The following PREX1 variants were observed in gnomAD, a reference collection of about 807,000 sequenced individuals.
The protein encoded by PREX1 is phosphatidylinositol 3,4,5-trisphosphate-dependent Rac exchanger 1 protein.
A neutral mutation model predicts 198.3 loss-of-function variants in PREX1; 41 were observed. The ratio of observed to expected loss-of-function variants is 0.21; its 90% CI spans 0.16 to 0.27. PREX1 has a LOEUF of 0.27. Among genes scored for constraint, PREX1 ranks in the 10% least tolerant of loss-of-function variants. The pLI is 1.00. For synonymous variants in PREX1, 843 were observed against 887.2 expected (o/e 0.95, Z 0.89); for missense variants, 1,620 against 2,200.7 (o/e 0.74, Z 5.28).
chr20:48,628,010 G>A (rs755846906), intron 37 of PREX1, 47 bp from the exon 38 acceptor site: 1 of 1,120,840 alleles, frequency 8.9e-7, no homozygotes, highest in Non-Finnish European at 1.3e-6. Flanking sequence ...GGGGGACAGG[G>A]GTCGGGGGAG....
the PREX1 span, among the ~76,000 whole-genome samples, chr20:48,866,273 G>A: frequency 6.6e-6 from 1 of 152,132 alleles, no homozygotes; most frequent in East Asian, 1.9e-4. Flanking sequence ...AGGGTAGCAG[G>A]TCCAAATCAA....
chr20:48,630,798 C>T lies in PREX1; in HGVS notation c.4527-4G>A, dbSNP rs757433227. On this transcript the variant is annotated splice_region_variant and splice_polypyrimidine_tract_variant and intron_variant, in intron 35 of 39. Transcript: ENST00000371941. Reference sequence around the variant, plus strand: ...AGACCGCTCCAGGTAAAATGCCCTGCGAGAGAAAGATGGGAATGAGGCGGG... The same window carrying T: ...AGACCGCTCCAGGTAAAATGCCCTGTGAGAGAAAGATGGGAATGAGGCGGG... 1.3e-5 allele frequency: 21 copies of T among 1,569,834 alleles called. No homozygotes were observed. Among genetic ancestry groups the T allele is most frequent in the African/African-American group, 2.7e-5 (2 of 73,858 alleles).
chr20:48,649,593 G>C lies in PREX1; in HGVS notation c.3029-17C>G, dbSNP rs1360620668. On this transcript the variant is annotated splice_polypyrimidine_tract_variant and intron_variant, in intron 24 of 39. Transcript: ENST00000371941. Reference sequence around the variant, plus strand: ...TCAGGTGGCCTGCAGTGGAGGAAGAGAGAGCTCACTGGAAAACAGCCCCCA... The same window carrying C: ...TCAGGTGGCCTGCAGTGGAGGAAGACAGAGCTCACTGGAAAACAGCCCCCA... 1.3e-6 allele frequency: 2 copies of C among 1,563,186 alleles called. No individual in the cohort carries two copies. The highest frequency in any genetic ancestry group is 4.8e-5 in the East Asian group (2 of 42,098).
chr20:48,705,924 G>T (rs1304279891), intron 6 of PREX1, among the ~76,000 whole-genome samples: 1 of 152,198 alleles, frequency 6.6e-6, no homozygotes, highest in Non-Finnish European at 1.5e-5. Context: ...ACTCGAGACA[G>T]GGCAGTCTAT....
chr20:48,748,285 A>C (rs1568849365), intron 1 of PREX1, among the ~76,000 whole-genome samples: 1 of 152,044 alleles, frequency 6.6e-6, no homozygotes, highest in Non-Finnish European at 1.5e-5. Flanking sequence ...TTAACCTCTG[A>C]GTAATAACAC....
At chr20:48,646,870 ACT>A (rs1396190861) in intron 25 of PREX1, among the ~76,000 whole-genome samples, 1 of 152,064 alleles carries the variant, frequency 6.6e-6, no homozygotes, top group African/African-American at 2.4e-5. Flanking sequence ...ACTCTCGGAG[ACT>A]CTGTTTCCTC....
At chr20:48,810,495 G>A (rs921877701) in intron 1 of PREX1, among the ~76,000 whole-genome samples, 3 of 150,712 alleles carry the variant, frequency 2.0e-5, no homozygotes, top group African/African-American at 7.3e-5. Flanking sequence ...GAGGTGGGAA[G>A]GTCACCCCAG....
chr20:48,684,921 C>T lies in PREX1; in HGVS notation c.1335-3586G>A, dbSNP rs1285015128. On this transcript the variant is annotated intron_variant, in intron 10 of 39. Transcript: ENST00000371941. This position sits in a 1 kb window ranked among gnomAD's most constrained non-coding sequence, Gnocchi z 4.2. The stretch of plus-strand genomic sequence containing the variant: ...AAGCCAGGAATGCTGTTCCCCACAC[C>T]CTCTCATGGCTGGCTCTTGCTTGTC... Among the ~76,000 whole-genome samples the T allele has an allele frequency of 6.6e-6, 1 of 152,244 alleles. No individual in the cohort carries two copies. Among genetic ancestry groups the T allele is most frequent in the African/African-American group, 2.4e-5 (1 of 41,460 alleles).
intron 1 of PREX1, among the ~76,000 whole-genome samples, chr20:48,783,073 T>C (rs1276638648): frequency 6.6e-6 from 1 of 152,182 alleles, no homozygotes; most frequent in Non-Finnish European, 1.5e-5. Flanking sequence ...CTGCGTGACC[T>C]TGGGCAAGAG....
rs1391318406 is a variant in PREX1, at chr20:48,630,640, C to T, written c.4593+88G>A. 2.5e-6 allele frequency: 3 copies of T among 1,219,902 alleles called. No homozygotes were observed. The Admixed American group carries it at 5.5e-5, about 22-fold the overall frequency. 75.6% of individuals were successfully genotyped at this position (1,219,902 alleles called of 1,614,324 possible). A position where few individuals can be genotyped will look rare whatever the true frequency, so the allele number is the denominator to read the frequency against. On this transcript the variant is annotated intron_variant, in intron 36 of 39. Transcript: ENST00000371941. ...GCTTTGGGGCTAGAATCTGCTGGGG[C>T]ACAACCCTGGGCCTGTCTGCTGAGT...
the PREX1 span, among the ~76,000 whole-genome samples, chr20:48,872,482 G>C: frequency 1.3e-5 from 2 of 152,158 alleles, no homozygotes; most frequent in African/African-American, 4.8e-5. Flanking sequence ...GGCAGCTCAT[G>C]CCTGTAATCT....
At chr20:48,860,028 A>G in the PREX1 span, among the ~76,000 whole-genome samples, 7 of 152,284 alleles carry the variant, frequency 4.6e-5, no homozygotes, top group East Asian at 1.3e-3. Context: ...AAAAAACAAA[A>G]AAAAGAAAAG....
At chr20:48,697,905 A>G (rs115305630) in intron 7 of PREX1, among the ~76,000 whole-genome samples, 5,771 of 152,226 alleles carry the variant, frequency 0.038, 376 homozygotes, top group African/African-American at 0.13. Flanking sequence ...CCCCTGACCC[A>G]TATCCTGGAT....
chr20:48,883,739 C>T, the PREX1 span, among the ~76,000 whole-genome samples: 2 of 151,924 alleles, frequency 1.3e-5, no homozygotes, highest in East Asian at 1.9e-4. Flanking sequence ...TTAAAGAAGA[C>T]CGAAATAAAA....
In PREX1 at chr20:48,658,178, C is replaced by G; in HGVS notation, c.1932G>C (p.Lys644Asn). Residue 644 changes from lysine to asparagine, a missense_variant, in exon 17 of 40, where the codon AAG becomes AAC. Physicochemically the swap from Lys to Asn is moderately conservative, Grantham distance 94. Coordinates refer to ENST00000371941, the MANE Select transcript of PREX1 (RefSeq NM_020820.4). ...DYGFDIEEKN[K>N]AVVVKSVQRG... ...TCTGGACGGACTTCACCACCACAGCCTTGTTCTTCTCCTCGATGTCAAAGC... is the reference window on the plus strand; with the variant it reads ...TCTGGACGGACTTCACCACCACAGCGTTGTTCTTCTCCTCGATGTCAAAGC... 1.2e-6 allele frequency: 2 copies of G among 1,614,226 alleles called. No individual in the cohort carries two copies. The highest frequency in any genetic ancestry group is 8.5e-7 in the Non-Finnish European group (1 of 1,180,024).
chr20:48,704,205 A>G (rs543106032), intron 6 of PREX1, among the ~76,000 whole-genome samples: 2 of 152,126 alleles, frequency 1.3e-5, no homozygotes, highest in South Asian at 2.1e-4. Flanking sequence ...TGGAACTTGA[A>G]CCCAGACAAG....
intron 1 of PREX1, among the ~76,000 whole-genome samples, chr20:48,823,958 G>A (rs1305725036): frequency 6.6e-6 from 1 of 152,142 alleles, no homozygotes; most frequent in Non-Finnish European, 1.5e-5. Flanking sequence ...CCTTCATAAA[G>A]AAAATTAAAT....
At chr20:48,736,306 C>T (rs1427583002) in intron 3 of PREX1, among the ~76,000 whole-genome samples, 1 of 152,156 alleles carries the variant, frequency 6.6e-6, no homozygotes, top group African/African-American at 2.4e-5. Flanking sequence ...CACACACATA[C>T]CACAAGACAC....
At chr20:48,748,143 GAAA>G (rs2090117880) in intron 1 of PREX1, among the ~76,000 whole-genome samples, 1 of 152,160 alleles carries the variant, frequency 6.6e-6, no homozygotes, top group African/African-American at 2.4e-5. Context: ...ATACAGCAGA[GAAA>G]ATCTCAAAGC....
Sources: allele counts gnomAD v4.1 joint callset (sites outside exome capture counted in the v4.1 genomes callset), GRCh38; gene constraint gnomAD v4.1.1; non-coding constraint Gnocchi (gnomAD v3.1); transcripts MANE v1.5; gene names NCBI Gene and HGNC (gene_info 2026-07-23, HGNC 2026-07-21).